GLIS3: variants seen among roughly 807,000 people sequenced by gnomAD.
GLIS3 encodes GLIS family zinc finger 3.
Under a neutral mutation model 78.6 loss-of-function variants are expected in GLIS3, and 53 were observed. That is an observed-to-expected ratio of 0.67 (90% confidence interval 0.54 to 0.85). GLIS3 has a LOEUF of 0.85. Among genes scored for constraint, GLIS3 ranks in the 40% least tolerant of loss-of-function variants. The probability of loss-of-function intolerance (pLI) is 0.00; values close to 1 mark genes in which losing one functional copy is unlikely to be tolerated. For missense variants in GLIS3, 1,703 were observed against 1,231.1 expected, an observed-to-expected ratio of 1.38 and a Z score of -5.74; for synonymous variants, 684 against 509.9, an observed-to-expected ratio of 1.34 and a Z score of -4.60.
At chr9:4,244,869 C>A (rs1449902727) in intron 2 of GLIS3, among the ~76,000 whole-genome samples, 1 of 152,160 alleles carries the variant, frequency 6.6e-6, no homozygotes, top group African/African-American at 2.4e-5. Context: ...AGCCACCATG[C>A]CTGACCACAA....
chr9:4,463,400 C>G, the GLIS3 span, among the ~76,000 whole-genome samples: 1 of 152,152 alleles, frequency 6.6e-6, no homozygotes, highest in Non-Finnish European at 1.5e-5. Flanking sequence ...TGTTTCTCTT[C>G]TATCTCTTCA....
chr9:4,436,530 G>A, the GLIS3 span, among the ~76,000 whole-genome samples: 1 of 152,142 alleles, frequency 6.6e-6, no homozygotes, highest in East Asian at 1.9e-4. Flanking sequence ...CAAGGACTGG[G>A]CTGGGTGGCT....
intron 2 of GLIS3, among the ~76,000 whole-genome samples, chr9:4,260,872 G>A (rs1825461319): frequency 6.6e-6 from 1 of 152,184 alleles, no homozygotes; most frequent in African/African-American, 2.4e-5. Context: ...ACTGCCTAAG[G>A]CTGTACTGTC....
chr9:3,964,152 G>A (rs1817760246), intron 4 of GLIS3, among the ~76,000 whole-genome samples: 1 of 151,764 alleles, frequency 6.6e-6, no homozygotes, highest in East Asian at 2.0e-4. Flanking sequence ...GATGTATTAT[G>A]TTTACCACAG....
chr9:3,960,064 G>A (rs902125898), intron 4 of GLIS3, among the ~76,000 whole-genome samples: 10 of 152,190 alleles, frequency 6.6e-5, no homozygotes, highest in African/African-American at 2.4e-4. Flanking sequence ...TTGAACCGAG[G>A]AGGCGGAGGT....
At chr9:4,042,774 T>C (rs754661074) in intron 4 of GLIS3, among the ~76,000 whole-genome samples, 2 of 152,050 alleles carry the variant, frequency 1.3e-5, no homozygotes, top group African/African-American at 2.4e-5. Context: ...AAACAATATA[T>C]GATTTTAGTG....
intron 6 of GLIS3, among the ~76,000 whole-genome samples, chr9:3,930,958 TAAG>T (rs1407487292): frequency 6.6e-6 from 1 of 152,214 alleles, no homozygotes; most frequent in Non-Finnish European, 1.5e-5. Flanking sequence ...TGTGTTATTT[TAAG>T]AAGACTAAGC....
intron 6 of GLIS3, among the ~76,000 whole-genome samples, chr9:3,929,881 C>CT (rs1248319208): frequency 2.6e-5 from 4 of 151,728 alleles, no homozygotes; most frequent in African/African-American, 9.7e-5. Context: ...TTTATTGTTT[C>CT]TTTTTTTTAA....
chr9:4,127,047 A>G (rs1014485702), intron 2 of GLIS3, among the ~76,000 whole-genome samples: 1 of 152,144 alleles, frequency 6.6e-6, no homozygotes, highest in Non-Finnish European at 1.5e-5. Flanking sequence ...CTTTTGTAAC[A>G]TTCTTCCCAA....
At chr9:4,290,374 TAA>T (rs1828347838) in intron 1 of GLIS3, among the ~76,000 whole-genome samples, 1 of 152,160 alleles carries the variant, frequency 6.6e-6, no homozygotes, top group South Asian at 2.1e-4. Context: ...CCATCTACAA[TAA>T]GAGTTTTTAT....
chr9:3,990,640 C>T (rs1820155497), intron 4 of GLIS3, among the ~76,000 whole-genome samples: 3 of 152,134 alleles, frequency 2.0e-5, no homozygotes, highest in African/African-American at 7.2e-5. Context: ...TAAAGTTTCC[C>T]TCCAAAATAG....
At chr9:4,390,927 G>A in the GLIS3 span, among the ~76,000 whole-genome samples, 1 of 152,160 alleles carries the variant, frequency 6.6e-6, no homozygotes, top group South Asian at 2.1e-4. Flanking sequence ...CCTTTCTTAT[G>A]TCTCAGAAGG....
intron 2 of GLIS3, among the ~76,000 whole-genome samples, chr9:4,217,430 A>T (rs1046152012): frequency 9.2e-5 from 14 of 152,194 alleles, no homozygotes; most frequent in African/African-American, 3.4e-4. Context: ...GACTCTTTCC[A>T]AGCGGGGACA....
intron 4 of GLIS3, among the ~76,000 whole-genome samples, chr9:3,952,388 C>T (rs1405360203): frequency 6.6e-6 from 1 of 152,166 alleles, no homozygotes; most frequent in Non-Finnish European, 1.5e-5. Context: ...ATCCCTGGCA[C>T]TCTCTGATGT....
chr9:4,228,915 C>G (rs1393718025), intron 2 of GLIS3, among the ~76,000 whole-genome samples: 1 of 152,166 alleles, frequency 6.6e-6, no homozygotes. Context: ...TCATCCTACT[C>G]TAAAATAAAA....
Position 4,212,015 on chromosome 9 carries a change from G to A in GLIS3, c.388+74023C>T, listed in dbSNP as rs1433371853. ...TAGATTAGTGGTTGCCTGGGGCTGG[G>A]AGTGGGAAAGAGGATTAACTGTAAA... On this transcript the variant is annotated intron_variant, in intron 2 of 10. Coordinates refer to ENST00000381971, the MANE Select transcript of GLIS3 (RefSeq NM_001042413.2). 5.3e-5 allele frequency among the ~76,000 whole-genome samples: 8 copies of A among 152,190 alleles called. 1 individual carries two copies. Among genetic ancestry groups the A allele is most frequent in the Admixed American group, 3.9e-4 (6 of 15,286 alleles).
At chr9:4,375,404 T>C in the GLIS3 span, among the ~76,000 whole-genome samples, 1 of 152,240 alleles carries the variant, frequency 6.6e-6, no homozygotes, top group Non-Finnish European at 1.5e-5. Flanking sequence ...CCTTTATACC[T>C]TTAATGAAGG....
At chr9:4,280,423 A>G (rs756393939) in intron 2 of GLIS3, among the ~76,000 whole-genome samples, 1 of 152,232 alleles carries the variant, frequency 6.6e-6, no homozygotes, top group Non-Finnish European at 1.5e-5. Context: ...CATGAAAGAT[A>G]CTGGCTTAGG....
At chr9:4,299,239 C>A (rs1173720190) in intron 1 of GLIS3, among the ~76,000 whole-genome samples, 182 bp downstream of exon 1, 1 of 152,190 alleles carries the variant, frequency 6.6e-6, no homozygotes, top group East Asian at 1.9e-4. Context: ...TCTCAGTGAC[C>A]TGTGACGCCG....
Sources: gnomAD v4.1 joint callset for allele counts (sites outside exome capture counted in the v4.1 genomes callset) on GRCh38, gnomAD v4.1.1 for gene constraint, MANE v1.5 for transcripts, NCBI Gene and HGNC (gene_info 2026-07-23, HGNC 2026-07-21) for gene names.